ANKS1B: variants seen among roughly 807,000 people sequenced by gnomAD.
The protein encoded by ANKS1B is ankyrin repeat and sterile alpha motif domain containing 1B, also known as ankyrin repeat and sterile alpha motif domain-containing protein 1B.
A neutral mutation model predicts 148.3 loss-of-function variants in ANKS1B; 36 were observed. The observed-to-expected ratio is 0.24, with a 90% confidence interval of 0.19 to 0.32. The LOEUF (loss-of-function observed/expected upper bound fraction) is 0.32. Among genes scored for constraint, ANKS1B ranks in the 10% least tolerant of loss-of-function variants. ANKS1B has a pLI of 1.00. For missense variants in ANKS1B, 1,157 were observed against 1,542.6 expected, an observed-to-expected ratio of 0.75 and a Z score of 4.19; for synonymous variants, 542 against 560.8, an observed-to-expected ratio of 0.97 and a Z score of 0.47.
At chr12:99,109,468 T>C (rs924187572) in intron 15 of ANKS1B, among the ~76,000 whole-genome samples, 8 of 152,186 alleles carry the variant, frequency 5.3e-5, no homozygotes, top group Admixed American at 3.3e-4. Context: ...CATAATTTCC[T>C]AGCTATAAGC....
intron 19 of ANKS1B, among the ~76,000 whole-genome samples, chr12:98,820,699 A>G (rs1236062907): frequency 1.3e-5 from 2 of 152,238 alleles, no homozygotes; most frequent in Non-Finnish European, 2.9e-5. Context: ...AATTTTTAAA[A>G]GTATTTAAGT....
intron 9 of ANKS1B, among the ~76,000 whole-genome samples, chr12:99,521,199 C>T (rs552745948): frequency 3.3e-5 from 5 of 152,152 alleles, no homozygotes; most frequent in African/African-American, 4.8e-5. Context: ...GTGTTGATTG[C>T]GTTTTTTCAG....
At chr12:99,857,916 T>C (rs115472197) in intron 1 of ANKS1B, among the ~76,000 whole-genome samples, 2,626 of 152,160 alleles carry the variant, frequency 0.017, 67 homozygotes, top group African/African-American at 0.061. Flanking sequence ...ATATCTAACA[T>C]CTGAAACCAT....
intron 11 of ANKS1B, among the ~76,000 whole-genome samples, chr12:99,414,790 C>G (rs928103270): frequency 5.3e-5 from 8 of 152,186 alleles, no homozygotes; most frequent in African/African-American, 1.7e-4. Flanking sequence ...ATGTAACAAA[C>G]CTGCGCGTTC....
At chr12:99,680,755 G>T (rs1219820129) in intron 8 of ANKS1B, among the ~76,000 whole-genome samples, 5 of 152,160 alleles carry the variant, frequency 3.3e-5, no homozygotes, top group Non-Finnish European at 7.4e-5. Context: ...CCTGGTACAA[G>T]ATCTCAGTAC....
chr12:99,035,149 A>G (rs943459839), intron 17 of ANKS1B, among the ~76,000 whole-genome samples: 2 of 152,144 alleles, frequency 1.3e-5, no homozygotes, highest in African/African-American at 2.4e-5. Context: ...GAGGCTAGCT[A>G]TAGAAACTAG....
At chr12:99,356,135 A>G (rs371963653) in intron 12 of ANKS1B, among the ~76,000 whole-genome samples, 15 of 152,114 alleles carry the variant, frequency 9.9e-5, no homozygotes, top group East Asian at 9.7e-4. Context: ...AACAGCCACT[A>G]CTCTAGAACT....
At chr12:99,274,056 G>T (rs1602301590) in intron 12 of ANKS1B, among the ~76,000 whole-genome samples, 1 of 152,088 alleles carries the variant, frequency 6.6e-6, no homozygotes, top group African/African-American at 2.4e-5. Flanking sequence ...GAGACTCAAG[G>T]CATGCCCTTA....
intron 17 of ANKS1B, among the ~76,000 whole-genome samples, chr12:99,016,047 C>T (rs995723414): frequency 2.6e-5 from 4 of 152,192 alleles, no homozygotes; most frequent in Non-Finnish European, 5.9e-5. Flanking sequence ...TGGTAGTCTT[C>T]GTTCTTCACA....
At chr12:98,967,194 AT>A in intron 17 of ANKS1B, among the ~76,000 whole-genome samples, 1 of 152,272 alleles carries the variant, frequency 6.6e-6, no homozygotes, top group South Asian at 2.1e-4. Flanking sequence ...TCTGAGTCAA[AT>A]ATCAAAAAAA....
intron 14 of ANKS1B, among the ~76,000 whole-genome samples, chr12:99,220,286 C>T (rs1191879507): frequency 6.6e-6 from 1 of 151,904 alleles, no homozygotes; most frequent in East Asian, 1.9e-4. Flanking sequence ...GTGTAAGCCA[C>T]CATGCCTGGC....
intron 14 of ANKS1B, among the ~76,000 whole-genome samples, chr12:99,208,774 G>T (rs187106911): frequency 1.4e-4 from 21 of 152,084 alleles, no homozygotes; most frequent in African/African-American, 4.8e-4. Context: ...GTTTTTTATG[G>T]CTTTTTAATT....
chr12:98,765,996 A>T (rs2153455162), intron 25 of ANKS1B, among the ~76,000 whole-genome samples: 1 of 152,382 alleles, frequency 6.6e-6, no homozygotes, highest in Non-Finnish European at 1.5e-5. Context: ...CTTGACTGCC[A>T]GTTATTTAGA....
intron 10 of ANKS1B, among the ~76,000 whole-genome samples, chr12:99,473,342 TTTGA>T (rs1404900348): frequency 2.0e-5 from 3 of 152,166 alleles, no homozygotes; most frequent in East Asian, 3.9e-4. Context: ...AAATTTATCT[TTTGA>T]TTATTTTATG....
intron 10 of ANKS1B, among the ~76,000 whole-genome samples, chr12:99,447,852 C>T (rs1299897050): frequency 6.6e-6 from 1 of 151,946 alleles, no homozygotes; most frequent in African/African-American, 2.4e-5. Context: ...TGAAAAAAAT[C>T]CCTAACAACA....
intron 17 of ANKS1B, among the ~76,000 whole-genome samples, chr12:98,839,484 G>A (rs1221061158): frequency 6.6e-6 from 1 of 152,088 alleles, no homozygotes; most frequent in African/African-American, 2.4e-5. Context: ...TGGAATGAAT[G>A]AGAATGACTA....
intron 1 of ANKS1B, among the ~76,000 whole-genome samples, chr12:99,870,971 T>C (rs1165043665): frequency 6.6e-6 from 1 of 152,170 alleles, no homozygotes; most frequent in Non-Finnish European, 1.5e-5. Context: ...GCAATTGCTT[T>C]TGAGACTTAG....
exon 10 of ANKS1B, chr12:98,735,418 A>G: frequency 2.3e-6 from 1 of 427,274 alleles, no homozygotes; most frequent in Non-Finnish European, 4.2e-6. Context: ...AATTCACAAA[A>G]TTGTTTTGAA....
At chr12:99,212,160 A>T (rs1343852179) in intron 14 of ANKS1B, among the ~76,000 whole-genome samples, 1 of 152,136 alleles carries the variant, frequency 6.6e-6, no homozygotes, top group African/African-American at 2.4e-5. Flanking sequence ...CTTCCCAAAC[A>T]CTGCTCAGAT....
Sources: allele counts gnomAD v4.1 joint callset (sites outside exome capture counted in the v4.1 genomes callset), GRCh38; gene constraint gnomAD v4.1.1; transcripts MANE v1.5; gene names NCBI Gene and HGNC (gene_info 2026-07-23, HGNC 2026-07-21).